Variants in CTNNA3 observed in about 807,000 individuals in gnomAD.
CTNNA3 encodes catenin alpha-3.
Under a neutral mutation model 95.7 loss-of-function variants are expected in CTNNA3, and 76 were observed. The ratio of observed to expected loss-of-function variants is 0.79; its 90% CI spans 0.66 to 0.96. The LOEUF (loss-of-function observed/expected upper bound fraction) is 0.96, where lower values mean the gene tolerates loss of function less well. Ranked by LOEUF, CTNNA3 falls within the 40% of genes least tolerant of loss-of-function variation. The pLI is 0.00. For synonymous variants in CTNNA3, 431 were observed against 374.4 expected (o/e 1.15, Z -1.74); for missense variants, 1,191 against 1,089.8 (o/e 1.09, Z -1.31).
intron 5 of CTNNA3, among the ~76,000 whole-genome samples, chr10:67,386,757 T>C (rs1429301499): frequency 6.6e-6 from 1 of 152,130 alleles, no homozygotes; most frequent in Non-Finnish European, 1.5e-5. Context: ...ATACTGAGAA[T>C]GATAAAGGTA....
rs553926126 is a variant in CTNNA3, at chr10:66,776,061, G to C, written c.1048-537C>G. 3.9e-5 allele frequency among the ~76,000 whole-genome samples: 6 copies of C among 152,280 alleles called. No individual in the cohort carries two copies. In the South Asian group the frequency reaches 1.0e-3, roughly 26 times the overall value. ...AACAAATTGTTTTAAGTAAGAACTG[G>C]ACGCTGTTTTTGGCTCTTTAAGATA... On this transcript the variant is annotated intron_variant, in intron 7 of 17. Transcript: ENST00000433211.
chr10:66,499,560 C>T (rs1395505363), intron 11 of CTNNA3, among the ~76,000 whole-genome samples: 5 of 151,818 alleles, frequency 3.3e-5, no homozygotes, highest in Non-Finnish European at 5.9e-5. Flanking sequence ...ACTCCTGGGA[C>T]GACAGGGAAA....
At position 67,219,813 on chromosome 10, in the gene CTNNA3, C is replaced by T. The variant is rs749964009; in HGVS notation, c.637G>A (p.Glu213Lys). 1.2e-5 allele frequency: 19 copies of T among 1,613,746 alleles called. No homozygotes were observed. Among genetic ancestry groups the T allele is most frequent in the Non-Finnish European group, 1.5e-5 (18 of 1,179,750 alleles). ...EIAGARASLKENSPLLHSICS... is the reference protein window; with the variant it reads ...EIAGARASLKKNSPLLHSICS... ...ATTGAATGCAAGAGGGGAGAGTTCT[C>T]CTTCAGTGAAGCTCGGGCTCCTGCA... Residue 213 changes from glutamate to lysine, a missense_variant, in exon 6 of 18, where the codon GAG becomes AAG. Coordinates refer to ENST00000433211, the MANE Select transcript of CTNNA3 (RefSeq NM_013266.4).
chr10:67,688,327 TG>T (rs1451127487), intron 1 of CTNNA3, among the ~76,000 whole-genome samples: 1 of 151,814 alleles, frequency 6.6e-6, no homozygotes, highest in East Asian at 1.9e-4. Context: ...TCCTTCTGGG[TG>T]GGGGAGATTA....
intron 13 of CTNNA3, among the ~76,000 whole-genome samples, chr10:66,136,204 G>A (rs1005437713): frequency 4.7e-4 from 71 of 152,082 alleles, no homozygotes; most frequent in African/African-American, 9.7e-5. Flanking sequence ...GCCAGGCCAC[G>A]TAACACAATT....
intron 13 of CTNNA3, among the ~76,000 whole-genome samples, chr10:66,136,634 A>G (rs1018794149): frequency 1.3e-5 from 2 of 152,162 alleles, no homozygotes; most frequent in Non-Finnish European, 2.9e-5. Context: ...GCATTTGCCA[A>G]TTCTTGCAAT....
At chr10:67,433,559 T>C (rs1846193016) in intron 5 of CTNNA3, among the ~76,000 whole-genome samples, 1 of 152,048 alleles carries the variant, frequency 6.6e-6, no homozygotes, top group Non-Finnish European at 1.5e-5. Flanking sequence ...TGCAATAAAG[T>C]AAAGCACAAT....
intron 7 of CTNNA3, among the ~76,000 whole-genome samples, chr10:66,996,671 A>AAAAAAAACAT (rs1851370396): frequency 6.7e-6 from 1 of 148,252 alleles, no homozygotes; most frequent in Non-Finnish European, 1.5e-5. Context: ...AAAAAAAAAA[A>AAAAAAAACAT]GCATGTTTGT....
intron 7 of CTNNA3, among the ~76,000 whole-genome samples, chr10:66,978,526 C>CAAAAAAAAAAA (rs1170594360): frequency 2.4e-5 from 1 of 42,322 alleles, no homozygotes; most frequent in Non-Finnish European, 3.9e-5. Context: ...GACTCCATCT[C>CAAAAAAAAAAA]AAAAAAAAAA....
chr10:66,079,558 C>G (rs1292946311), intron 14 of CTNNA3, among the ~76,000 whole-genome samples: 1 of 151,406 alleles, frequency 6.6e-6, no homozygotes, highest in Non-Finnish European at 1.5e-5. Context: ...ACCAGATTTC[C>G]CTCCAAATTG....
chr10:66,201,780 T>C (rs1170244393), intron 13 of CTNNA3, among the ~76,000 whole-genome samples: 1 of 126,574 alleles, frequency 7.9e-6, no homozygotes, highest in Non-Finnish European at 1.6e-5. Flanking sequence ...CTTTTTACTT[T>C]TTCTTTTTTT....
At chr10:67,066,953 A>G (rs1856132091) in intron 7 of CTNNA3, among the ~76,000 whole-genome samples, 1 of 152,224 alleles carries the variant, frequency 6.6e-6, no homozygotes, top group African/African-American at 2.4e-5. Flanking sequence ...AACCCTCTTT[A>G]AAGTGAATCC....
At chr10:66,059,299 T>C (rs567568825) in intron 15 of CTNNA3, among the ~76,000 whole-genome samples, 7 of 152,080 alleles carry the variant, frequency 4.6e-5, no homozygotes, top group Non-Finnish European at 1.0e-4. Flanking sequence ...AATTGTGTCA[T>C]TGAATAAAAT....
At chr10:67,490,358 T>C (rs1848602566) in intron 5 of CTNNA3, among the ~76,000 whole-genome samples, 1 of 152,192 alleles carries the variant, frequency 6.6e-6, no homozygotes, top group Admixed American at 6.5e-5. Flanking sequence ...GCCAAGGTGA[T>C]GGCAGCTGCT....
chr10:67,056,191 A>T (rs1014536398), intron 7 of CTNNA3, among the ~76,000 whole-genome samples: 4 of 152,156 alleles, frequency 2.6e-5, no homozygotes, highest in Admixed American at 2.6e-4. Context: ...GAGTTGATTA[A>T]CTGAGCTTTA....
intron 11 of CTNNA3, among the ~76,000 whole-genome samples, chr10:66,483,936 A>C (rs1482780560): frequency 6.6e-6 from 1 of 152,106 alleles, no homozygotes; most frequent in Non-Finnish European, 1.5e-5. Flanking sequence ...GACTACTCTA[A>C]TTTCCTCGTC....
intron 5 of CTNNA3, among the ~76,000 whole-genome samples, chr10:67,312,502 G>A (rs1012039922): frequency 1.3e-5 from 2 of 152,192 alleles, no homozygotes; most frequent in Non-Finnish European, 2.9e-5. Flanking sequence ...TCTACACAGA[G>A]GGAGGAAAAT....
At chr10:67,673,074 A>C (rs566743744) in intron 1 of CTNNA3, among the ~76,000 whole-genome samples, 2,760 of 151,894 alleles carry the variant, frequency 0.018, 35 homozygotes, top group Non-Finnish European at 0.026. Flanking sequence ...GAGGTCCTTC[A>C]CATCCCTTGT....
chr10:66,987,467 C>A (rs974394833), intron 7 of CTNNA3, among the ~76,000 whole-genome samples: 1 of 152,146 alleles, frequency 6.6e-6, no homozygotes, highest in Non-Finnish European at 1.5e-5. Flanking sequence ...GGGGTCTTAG[C>A]AATCCGAGAT....
Sources: allele counts gnomAD v4.1 joint callset (sites outside exome capture counted in the v4.1 genomes callset), GRCh38; gene constraint gnomAD v4.1.1; transcripts MANE v1.5; gene names NCBI Gene and HGNC (gene_info 2026-07-23, HGNC 2026-07-21).